TAF5L: variants seen among roughly 807,000 people sequenced by gnomAD.
TAF5L encodes the protein TATA-box binding protein associated factor 5 like.
TAF5L carries 7 observed loss-of-function variants against 51.3 expected under a neutral mutation model. That is an observed-to-expected ratio of 0.14 (90% CI 0.08 to 0.26). TAF5L has a LOEUF of 0.26. Ranked by LOEUF, TAF5L falls within the 10% of genes least tolerant of loss-of-function variation. TAF5L has a pLI of 1.00. For missense variants in TAF5L, 575 were observed against 758.9 expected (o/e 0.76, Z 2.85); for synonymous variants, 291 against 308.1 (o/e 0.94, Z 0.58).
intron 3 of TAF5L, chr1:229,607,118 T>C: frequency 1.0e-6 from 1 of 985,450 alleles, no homozygotes; most frequent in Middle Eastern, 5.2e-4. Context: ...TAAACCCTTC[T>C]GACTTATTTA....
At chr1:229,616,623 A>C (rs541110571) in intron 1 of TAF5L, among the ~76,000 whole-genome samples, 2 of 152,300 alleles carry the variant, frequency 1.3e-5, no homozygotes, top group African/African-American at 4.8e-5. Context: ...ACTGTAGCTA[A>C]CACACTGTCC....
In TAF5L at chr1:229,594,479, T is replaced by C. The variant is rs928648760; in HGVS notation, c.1588A>G (p.Met530Val). 4 of 1,613,924 alleles carry C rather than the reference T, an allele frequency of 2.5e-6. No homozygotes were observed. Among genetic ancestry groups the C allele is most frequent in the East Asian group, 2.2e-5 (1 of 44,872 alleles). Reference sequence around the variant, plus strand: ...TCCCAGACGCGCACCGAGTTGTCCATGGAGGCAGAGGCAATCAAGCCGCTG... The same window carrying C: ...TCCCAGACGCGCACCGAGTTGTCCACGGAGGCAGAGGCAATCAAGCCGCTG... Residue 530 changes from methionine (M) to valine (V), a missense_variant, in exon 5 of 5, where the codon ATG (methionine) becomes GTG (valine). Met to Val is a conservative substitution (Grantham distance 21). Transcript: ENST00000258281. This position sits in a 1 kb window ranked among gnomAD's most constrained non-coding sequence, Gnocchi z 7.9.
chr1:229,620,688 C>T (rs12742022), intron 1 of TAF5L, among the ~76,000 whole-genome samples: 2 of 152,136 alleles, frequency 1.3e-5, no homozygotes, highest in Non-Finnish European at 2.9e-5. Flanking sequence ...TGTTTTACAG[C>T]ACAGAAAAAC....
In TAF5L at chr1:229,594,323, T is replaced by C; in HGVS notation, c.1744A>G (p.Ile582Val). ...TAATGTTCCTGATTTTCTTGTGTAA[T>C]TCCAGTCACCAGAAGAAGGTTACAG... The change falls in exon 5 of 5, where the codon ATT becomes GTT. Residue 582 changes from isoleucine to valine, a missense_variant. Ile to Val is a conservative substitution (Grantham distance 29). Coordinates refer to ENST00000258281, the Ensembl canonical transcript of TAF5L. This position sits in a 1 kb window ranked among gnomAD's most constrained non-coding sequence, Gnocchi z 7.9. 1.2e-6 allele frequency: 2 copies of C among 1,608,966 alleles called. No individual in the cohort carries two copies. Among genetic ancestry groups the C allele is most frequent in the South Asian group, 2.2e-5 (2 of 90,912 alleles).
chr1:229,598,106 T>G (rs1013404581), intron 4 of TAF5L, among the ~76,000 whole-genome samples: 32 of 152,194 alleles, frequency 2.1e-4, no homozygotes, highest in African/African-American at 7.2e-4. Flanking sequence ...CAGCCTGAAC[T>G]AGAACAGAAA....
At chr1:229,613,200 G>A (rs139277847) in intron 2 of TAF5L, among the ~76,000 whole-genome samples, 3 of 151,630 alleles carry the variant, frequency 2.0e-5, no homozygotes, top group Admixed American at 2.0e-4. Context: ...AGGTGGTTGT[G>A]CATGACTGTG....
intron 1 of TAF5L, among the ~76,000 whole-genome samples, chr1:229,615,020 C>T (rs1664928227): frequency 1.3e-5 from 2 of 152,172 alleles, no homozygotes; most frequent in South Asian, 4.1e-4. Context: ...GCTTAATAGC[C>T]AGGAAAAGAC....
At chr1:229,595,138 A>G (rs1664072113) in intron 4 of TAF5L, 44 bp from the exon 5 acceptor site, 1 of 1,528,754 alleles carries the variant, frequency 6.5e-7, no homozygotes, top group African/African-American at 1.4e-5. Context: ...ACACACAAAA[A>G]ATGTTCAGTG....
chr1:229,597,198 C>T (rs1664155090), intron 4 of TAF5L, among the ~76,000 whole-genome samples: 1 of 152,210 alleles, frequency 6.6e-6, no homozygotes, highest in Non-Finnish European at 1.5e-5. Context: ...AACAAAGATC[C>T]TGTGAAAGTT....
Position 229,607,547 on chromosome 1 carries a change from G to A in TAF5L, c.247+2559C>T, listed in dbSNP as rs142356277. On this transcript the variant is annotated intron_variant, in intron 3 of 4. Transcript: ENST00000258281. ...TACTGAAACTCAATCCATCCTTCAA[G>A]TGCTGACTTAAAGCCTACCTCCTGC... 8.9e-5 allele frequency: 84 copies of A among 938,756 alleles called. No homozygotes were observed. In the African/African-American group the frequency reaches 1.4e-3, roughly 16 times the overall value. 58.2% of individuals were successfully genotyped at this position (938,756 alleles called of 1,614,324 possible).
At chr1:229,601,917 A>C in intron 4 of TAF5L, 1 of 1,202,878 alleles carries the variant, frequency 8.3e-7, no homozygotes, top group Non-Finnish European at 1.0e-6. Flanking sequence ...ATATTAGCTA[A>C]AGGTCTTTCA....
chr1:229,608,894 C>CTCAA (rs1159043717), intron 3 of TAF5L, among the ~76,000 whole-genome samples: 3 of 152,072 alleles, frequency 2.0e-5, no homozygotes, highest in Non-Finnish European at 4.4e-5. Flanking sequence ...GTCCCAGCTA[C>CTCAA]TCAGGAGGCC....
chr1:229,602,245 G>T lies in TAF5L; in HGVS notation c.922C>A (p.Gln308Lys). Residue 308 changes from glutamine to lysine, a missense_variant, in exon 4 of 5, where the codon CAA becomes AAA. Transcript: ENST00000258281. This position sits in a 1 kb window ranked among gnomAD's most constrained non-coding sequence, Gnocchi z 4.6. ...AAATGGATGCGGGACACGTCTACTTGGTGGGGCTCTGATTTTAACTTCTTG... is the reference window on the plus strand; with the variant it reads ...AAATGGATGCGGGACACGTCTACTTTGTGGGGCTCTGATTTTAACTTCTTG... 1.2e-6 allele frequency: 2 copies of T among 1,614,162 alleles called. No individual in the cohort carries two copies. Among genetic ancestry groups the T allele is most frequent in the South Asian group, 2.2e-5 (2 of 91,078 alleles).
At position 229,594,192 on chromosome 1, in the gene TAF5L, A is replaced by T. The variant is rs1180782907; in HGVS notation, c.*105T>A. 6.2e-6 allele frequency: 8 copies of T among 1,281,904 alleles called. No homozygotes were observed. The highest frequency in any genetic ancestry group is 4.3e-6 in the Non-Finnish European group (4 of 936,044). The allele number at this position is 1,281,904 out of a possible 1,614,324, so 79.4% of individuals were successfully genotyped here. A position where few individuals can be genotyped will look rare whatever the true frequency, so the allele number is the denominator to read the frequency against. ...GGAATGAGGGCCCAGGAGAGAGGGG[A>T]GGAGGGGGCTCTTTCACAGTCAATG... On this transcript the variant is annotated 3_prime_UTR_variant, in exon 5 of 5. Transcript: ENST00000258281. The surrounding 1 kb of genome is among the most constrained non-coding windows in gnomAD (Gnocchi z 7.9).
At chr1:229,600,010 T>C (rs1664308893) in intron 4 of TAF5L, 1 of 985,364 alleles carries the variant, frequency 1.0e-6, no homozygotes, top group African/African-American at 1.7e-5. Flanking sequence ...TCTCTAGGTA[T>C]GTGAGTTTGT....
intron 4 of TAF5L, among the ~76,000 whole-genome samples, chr1:229,597,356 G>T (rs1018496515): frequency 1.1e-4 from 16 of 152,250 alleles, no homozygotes; most frequent in Admixed American, 4.6e-4. Flanking sequence ...CATGGGCTGG[G>T]AGTCCAGCTG....
intron 1 of TAF5L, among the ~76,000 whole-genome samples, chr1:229,622,772 TA>T (rs1478397729): frequency 6.6e-6 from 1 of 151,792 alleles, no homozygotes; most frequent in Non-Finnish European, 1.5e-5. Flanking sequence ...CACACCTGGT[TA>T]GTTAAAAAAA....
chr1:229,611,519 C>T (rs948752106), intron 2 of TAF5L, among the ~76,000 whole-genome samples: 23 of 152,162 alleles, frequency 1.5e-4, no homozygotes, highest in African/African-American at 5.3e-4. Context: ...CAACCTACTC[C>T]AGGAGAAGGA....
intron 1 of TAF5L, among the ~76,000 whole-genome samples, chr1:229,621,329 C>T (rs952976079): frequency 1.5e-4 from 23 of 152,166 alleles, no homozygotes; most frequent in African/African-American, 5.3e-4. Flanking sequence ...GACAAAGTCT[C>T]CAAAAGTTAG....
Sources: gnomAD v4.1 joint callset for allele counts (sites outside exome capture counted in the v4.1 genomes callset) on GRCh38, gnomAD v4.1.1 for gene constraint, Gnocchi (gnomAD v3.1) non-coding constraint, MANE v1.5 for transcripts, NCBI Gene and HGNC (gene_info 2026-07-23, HGNC 2026-07-21) for gene names.